The following CNTNAP2 variants were observed in gnomAD, a reference collection of about 807,000 sequenced individuals.
CNTNAP2 encodes the protein contactin associated protein 2.
Under a neutral mutation model 155.2 loss-of-function variants are expected in CNTNAP2, and 98 were observed. That is an observed-to-expected ratio of 0.63 (90% CI 0.54 to 0.75). The LOEUF (loss-of-function observed/expected upper bound fraction) is 0.75. CNTNAP2 is among the 30% of genes least tolerant of loss of function. The probability of loss-of-function intolerance (pLI) is 0.00; values close to 1 mark genes in which losing one functional copy is unlikely to be tolerated. For missense variants in CNTNAP2, 1,727 were observed against 1,688.1 expected (o/e 1.02, Z -0.40); for synonymous variants, 651 against 631.2 (o/e 1.03, Z -0.47).
At chr7:146,777,327 G>A (rs1330915436) in intron 2 of CNTNAP2, among the ~76,000 whole-genome samples, 2 of 152,190 alleles carry the variant, frequency 1.3e-5, no homozygotes, top group Non-Finnish European at 2.9e-5. Flanking sequence ...CATATAACTC[G>A]CCCTCCCCAA....
At chr7:147,290,031 G>A (rs1412751410) in intron 8 of CNTNAP2, among the ~76,000 whole-genome samples, 1 of 152,122 alleles carries the variant, frequency 6.6e-6, no homozygotes, top group Non-Finnish European at 1.5e-5. Flanking sequence ...ATATAGTTAT[G>A]TTCTGTATAG....
intron 18 of CNTNAP2, among the ~76,000 whole-genome samples, chr7:148,205,888 C>A (rs1438378036): frequency 6.6e-6 from 1 of 152,114 alleles, no homozygotes. Flanking sequence ...TAGAGAGAAG[C>A]CTGGTGCATG....
intron 13 of CNTNAP2, among the ~76,000 whole-genome samples, chr7:147,728,128 C>T (rs1796674883): frequency 6.6e-6 from 1 of 151,548 alleles, no homozygotes; most frequent in Admixed American, 6.6e-5. Context: ...GACGACTTTT[C>T]AGATAACAAT....
In CNTNAP2 at chr7:147,610,317, TTG is replaced by T. The variant is rs555038777; in HGVS notation, c.1898-28787_1898-28786del. On this transcript the variant is annotated intron_variant, in intron 12 of 23. Coordinates refer to ENST00000361727, the MANE Select transcript of CNTNAP2 (RefSeq NM_014141.6). Reference sequence around the variant, plus strand: ...CAAGTGGTTTTTTTTCTTTGTTTGTTTGTTTCTTTTTGTCTCTTGTGATCCAA... The same window carrying T: ...CAAGTGGTTTTTTTTCTTTGTTTGTTTTTCTTTTTGTCTCTTGTGATCCAA... Among the ~76,000 whole-genome samples, 9 of 152,216 alleles carry T rather than the reference TTG, an allele frequency of 5.9e-5. No individual in the cohort carries two copies. The South Asian group carries it at 1.9e-3, about 32-fold the overall frequency.
chr7:146,976,388 C>A (rs1015252538), intron 3 of CNTNAP2, among the ~76,000 whole-genome samples: 4 of 152,150 alleles, frequency 2.6e-5, no homozygotes, highest in Admixed American at 6.5e-5. Flanking sequence ...CCCTCCACTT[C>A]CCATGCCAGT....
intron 14 of CNTNAP2, among the ~76,000 whole-genome samples, chr7:147,905,112 T>G (rs974020043): frequency 2.6e-5 from 4 of 152,222 alleles, no homozygotes; most frequent in Admixed American, 2.6e-4. Flanking sequence ...AAATACCAAA[T>G]GCAAAGAACA....
chr7:147,234,793 G>T (rs1329460638), intron 8 of CNTNAP2, among the ~76,000 whole-genome samples: 1 of 152,022 alleles, frequency 6.6e-6, no homozygotes, highest in East Asian at 1.9e-4. Flanking sequence ...TTGCAGACTT[G>T]GTCTTCATTT....
intron 15 of CNTNAP2, among the ~76,000 whole-genome samples, chr7:148,113,401 C>G (rs954980676): frequency 6.6e-6 from 1 of 152,150 alleles, no homozygotes; most frequent in Non-Finnish European, 1.5e-5. Flanking sequence ...GGCAATGGTG[C>G]TAAACTATTC....
intron 12 of CNTNAP2, chr7:147,638,849 T>A: frequency 1.7e-6 from 1 of 604,140 alleles, no homozygotes; most frequent in Non-Finnish European, 3.1e-6. Context: ...AGCTTTTTTT[T>A]TTTTTCTTTT....
At chr7:146,322,830 C>T (rs887890474) in intron 1 of CNTNAP2, among the ~76,000 whole-genome samples, 2 of 151,318 alleles carry the variant, frequency 1.3e-5, no homozygotes, top group Non-Finnish European at 2.9e-5. Context: ...GATGGTTTAT[C>T]GCATGATACA....
intron 3 of CNTNAP2, among the ~76,000 whole-genome samples, chr7:147,021,446 G>A (rs1171061269): frequency 6.6e-6 from 1 of 152,098 alleles, no homozygotes; most frequent in Non-Finnish European, 1.5e-5. Flanking sequence ...TTCTTTGTAT[G>A]ATATATTTCT....
intron 13 of CNTNAP2, among the ~76,000 whole-genome samples, chr7:147,712,109 T>A (rs964007542): frequency 1.3e-5 from 2 of 152,258 alleles, no homozygotes; most frequent in African/African-American, 4.8e-5. Flanking sequence ...CTCACGTTCC[T>A]TCAGGCAAAA....
rs556864324 is a variant in CNTNAP2, at chr7:147,762,547, CT to C, written c.2098+123251del. On this transcript the variant is annotated intron_variant, in intron 13 of 23. Transcript: ENST00000361727. Reference sequence around the variant, plus strand: ...AAGGCTGATGAGCCATTTCCAGATGCTTTTTTTTTTCAATCTCTTCAGTGCC... The same window carrying C: ...AAGGCTGATGAGCCATTTCCAGATGCTTTTTTTTTCAATCTCTTCAGTGCC... Among the ~76,000 whole-genome samples, 441 of 147,576 alleles carry C rather than the reference CT, an allele frequency of 3.0e-3. 1 individual carries two copies. Among genetic ancestry groups the C allele is most frequent in the Non-Finnish European group, 4.8e-3 (319 of 66,580 alleles).
At chr7:147,773,823 C>T (rs953476661) in intron 13 of CNTNAP2, among the ~76,000 whole-genome samples, 1 of 152,052 alleles carries the variant, frequency 6.6e-6, no homozygotes, top group Non-Finnish European at 1.5e-5. Context: ...CTTCCCATTA[C>T]ACTCAGAGTA....
intron 4 of CNTNAP2, among the ~76,000 whole-genome samples, chr7:147,091,668 C>T (rs1017556567): frequency 6.6e-6 from 1 of 150,638 alleles, no homozygotes; most frequent in African/African-American, 2.4e-5. Flanking sequence ...TGCAGTGGTG[C>T]GATCTCGGCT....
At chr7:147,728,925 C>T (rs1348872308) in intron 13 of CNTNAP2, among the ~76,000 whole-genome samples, 2 of 150,102 alleles carry the variant, frequency 1.3e-5, no homozygotes, top group Non-Finnish European at 3.0e-5. Context: ...AAATGCTAAA[C>T]AGGAAATAGA....
At chr7:146,294,729 A>C (rs1800485196) in intron 1 of CNTNAP2, among the ~76,000 whole-genome samples, 2 of 152,190 alleles carry the variant, frequency 1.3e-5, no homozygotes, top group African/African-American at 4.8e-5. Flanking sequence ...AATTAAACTC[A>C]CTTAAGATTG....
At chr7:146,257,845 T>C (rs111659391) in intron 1 of CNTNAP2, among the ~76,000 whole-genome samples, 6,307 of 152,200 alleles carry the variant, frequency 0.041, 399 homozygotes, top group African/African-American at 0.14. Context: ...CGATGTGCTA[T>C]CTGTACCTTT....
At chr7:147,802,221 G>A (rs1419089768) in intron 13 of CNTNAP2, among the ~76,000 whole-genome samples, 2 of 149,686 alleles carry the variant, frequency 1.3e-5, no homozygotes, top group African/African-American at 2.5e-5. Context: ...GACGATGGGC[G>A]GCCGGGAAGA....
Sources: gnomAD v4.1 joint callset for allele counts (sites outside exome capture counted in the v4.1 genomes callset) on GRCh38, gnomAD v4.1.1 for gene constraint, MANE v1.5 for transcripts, NCBI Gene and HGNC (gene_info 2026-07-23, HGNC 2026-07-21) for gene names.